The following ANKRD6 variants were observed in gnomAD, a reference collection of about 807,000 sequenced individuals.
ANKRD6 encodes the protein ankyrin repeat domain-containing protein 6.
A neutral mutation model predicts 82.3 loss-of-function variants in ANKRD6; 56 were observed. The ratio of observed to expected loss-of-function variants is 0.68; its 90% CI spans 0.55 to 0.85. The LOEUF is 0.85. ANKRD6 is among the 40% of genes least tolerant of loss of function. The pLI is 0.00. For synonymous variants in ANKRD6, 347 were observed against 352.1 expected, an observed-to-expected ratio of 0.99 and a Z score of 0.16; for missense variants, 852 against 907.6, an observed-to-expected ratio of 0.94 and a Z score of 0.79.
chr6:89,578,460 T>C (rs2128108376), intron 2 of ANKRD6, among the ~76,000 whole-genome samples: 1 of 152,164 alleles, frequency 6.6e-6, no homozygotes, highest in African/African-American at 2.4e-5. Context: ...CACACCTGGC[T>C]AATTTTTGTA....
intron 1 of ANKRD6, among the ~76,000 whole-genome samples, chr6:89,539,907 G>A (rs144177343): frequency 2.2e-4 from 33 of 149,960 alleles, no homozygotes; most frequent in Non-Finnish European, 4.4e-4. Flanking sequence ...TGCGATGTTT[G>A]TCTTTCTATG....
At chr6:89,580,570 G>C (rs1011612982) in intron 2 of ANKRD6, among the ~76,000 whole-genome samples, 1 of 152,072 alleles carries the variant, frequency 6.6e-6, no homozygotes, top group Non-Finnish European at 1.5e-5. Context: ...GTGAGAACAG[G>C]CTCTGCACCG....
intron 1 of ANKRD6, among the ~76,000 whole-genome samples, chr6:89,444,729 A>AGGTTGAGGTGGGC (rs1372329926): frequency 6.6e-6 from 1 of 152,098 alleles, no homozygotes; most frequent in Non-Finnish European, 1.5e-5. Flanking sequence ...GCACTTTGGG[A>AGGTTGAGGTGGGC]GGTTGAGGTG....
rs1562538000 is a variant in ANKRD6 at position 89,455,153 on chromosome 6, T to TG, written c.-144+21778_-144+21779insG. Among the ~76,000 whole-genome samples the TG allele has an allele frequency of 4.3e-4, 45 of 103,794 alleles. 1 individual carries two copies. Among genetic ancestry groups the TG allele is most frequent in the Admixed American group, 1.3e-3 (12 of 8,964 alleles). The allele number at this position is 103,794 out of a possible 152,430, so 68.1% of individuals were successfully genotyped here. ...GCCACCACACCCAGTGTGTGTGTGT[T>TG]TTTTTTTTTTTTTAATCTATGTGTT... On this transcript the variant is annotated intron_variant, in intron 1 of 15. Transcript: ENST00000339746.
At chr6:89,509,898 C>CCA (rs1384249473) in intron 1 of ANKRD6, among the ~76,000 whole-genome samples, 1 of 152,228 alleles carries the variant, frequency 6.6e-6, no homozygotes, top group Non-Finnish European at 1.5e-5. Flanking sequence ...ATGTTCTTAA[C>CCA]CACACTATAC....
chr6:89,528,659 A>C (rs544391454), intron 1 of ANKRD6, among the ~76,000 whole-genome samples: 1 of 152,198 alleles, frequency 6.6e-6, no homozygotes, highest in Non-Finnish European at 1.5e-5. Context: ...AAGGTTTTCC[A>C]TTTACTTTCC....
chr6:89,434,527 C>T (rs967776750), intron 1 of ANKRD6, among the ~76,000 whole-genome samples: 1 of 152,118 alleles, frequency 6.6e-6, no homozygotes, highest in African/African-American at 2.4e-5. Context: ...CGCTCTGTTG[C>T]CCAGGCTGTA....
intron 1 of ANKRD6, among the ~76,000 whole-genome samples, chr6:89,461,832 A>C (rs1298825085): frequency 2.6e-5 from 4 of 152,192 alleles, no homozygotes; most frequent in Non-Finnish European, 5.9e-5. Flanking sequence ...TAAATTGAGT[A>C]GTTGTCACAC....
intron 7 of ANKRD6, among the ~76,000 whole-genome samples, chr6:89,614,838 GA>G (rs5878102): frequency 8.2e-4 from 107 of 130,440 alleles, no homozygotes; most frequent in African/African-American, 2.6e-3. Flanking sequence ...CTCTTTAAAG[GA>G]AAAAAAAAAA....
At chr6:89,443,842 A>T (rs1490291696) in intron 1 of ANKRD6, among the ~76,000 whole-genome samples, 1 of 152,246 alleles carries the variant, frequency 6.6e-6, no homozygotes, top group Non-Finnish European at 1.5e-5. Flanking sequence ...GCCCAATGGC[A>T]TTAATCATTA....
intron 1 of ANKRD6, among the ~76,000 whole-genome samples, chr6:89,435,040 C>T (rs936875569): frequency 3.3e-5 from 5 of 152,038 alleles, no homozygotes; most frequent in Non-Finnish European, 5.9e-5. Context: ...TAATCTTAGT[C>T]TCCCACTTAA....
chr6:89,441,620 CTTTT>C (rs71556522), intron 1 of ANKRD6, among the ~76,000 whole-genome samples: 37 of 80,452 alleles, frequency 4.6e-4, no homozygotes, highest in Admixed American at 3.3e-3. Flanking sequence ...CTTTTCTTTC[CTTTT>C]TTTTTTTTTT....
intron 1 of ANKRD6, among the ~76,000 whole-genome samples, chr6:89,494,933 G>C (rs1441315722): frequency 1.3e-5 from 2 of 152,292 alleles, no homozygotes; most frequent in African/African-American, 4.8e-5. Flanking sequence ...TGGAACCTTT[G>C]GTGACAGATA....
chr6:89,452,659 C>A (rs955483461), intron 1 of ANKRD6, among the ~76,000 whole-genome samples: 1 of 152,058 alleles, frequency 6.6e-6, no homozygotes, highest in Non-Finnish European at 1.5e-5. Flanking sequence ...TTTGGCCTGA[C>A]AATTTTTTTT....
chr6:89,601,700 A>G (rs1331829847), intron 3 of ANKRD6: 1 of 152,156 alleles, frequency 6.6e-6, no homozygotes, highest in Non-Finnish European at 1.5e-5. Context: ...GGCATTAAGT[A>G]CACTCACATT....
chr6:89,630,481 G>C lies in ANKRD6; in HGVS notation c.1661G>C (p.Ser554Thr), dbSNP rs1221935462. The C allele has an allele frequency of 5.0e-6, 8 of 1,613,870 alleles. No individual in the cohort carries two copies. Among genetic ancestry groups the C allele is most frequent in the Non-Finnish European group, 6.8e-6 (8 of 1,179,886 alleles). The change falls in exon 16 of 16, where the codon AGC (serine) becomes ACC (threonine). Residue 554 changes from serine to threonine, a missense_variant. Ser to Thr is a moderately conservative substitution (Grantham distance 58). Transcript: ENST00000339746. ...GCAGGTCCAGCAGCAGCTTCCGACA[G>C]CTCCCCTCCAGTGGTTAGGCCCAAA... Reference protein sequence around the residue: ...VTAGPAAASDSSPPVVRPKEK... With the variant: ...VTAGPAAASDTSPPVVRPKEK...
intron 2 of ANKRD6, among the ~76,000 whole-genome samples, chr6:89,590,794 A>G (rs1456127962): frequency 1.3e-5 from 2 of 152,208 alleles, no homozygotes; most frequent in Admixed American, 1.3e-4. Flanking sequence ...TGTATAACTT[A>G]GAACAAGTGA....
chr6:89,461,441 A>G (rs577637142), intron 1 of ANKRD6, among the ~76,000 whole-genome samples: 25 of 152,288 alleles, frequency 1.6e-4, no homozygotes, highest in African/African-American at 5.5e-4. Context: ...TGTTTGTAGG[A>G]AGTTATGTAG....
In ANKRD6 at chr6:89,621,954, G is replaced by A; in HGVS notation, c.825G>A (p.Arg275=). The A allele has an allele frequency of 6.2e-7, 1 of 1,613,848 alleles. No homozygotes were observed. Among genetic ancestry groups the A allele is most frequent in the Non-Finnish European group, 8.5e-7 (1 of 1,179,890 alleles). ...VLRFSRGRSL[R]KKRERLKEER... ...GCTTCAGTCGTGGGCGAAGCCTGAG[G>A]AAAAAGAGAGAGAGGCTCAAGGAAG... is the stretch of plus-strand genomic sequence containing the variant. Residue 275 remains arginine, a synonymous_variant, in exon 10 of 16, where the codon AGG becomes AGA. Transcript: ENST00000339746.
Sources: gnomAD v4.1 joint callset for allele counts (sites outside exome capture counted in the v4.1 genomes callset) on GRCh38, gnomAD v4.1.1 for gene constraint, MANE v1.5 for transcripts, NCBI Gene and HGNC (gene_info 2026-07-23, HGNC 2026-07-21) for gene names.